Variants in FNIP1 observed in about 807,000 individuals in gnomAD.
The protein encoded by FNIP1 is folliculin-interacting protein 1.
In FNIP1, 40 loss-of-function variants were observed where a neutral mutation model predicts 124.5. That is an observed-to-expected ratio of 0.32 (90% CI 0.25 to 0.42). The LOEUF is 0.42. Ranked by LOEUF, FNIP1 falls within the 10% of genes least tolerant of loss-of-function variation. The probability of loss-of-function intolerance (pLI) is 1.00; values close to 1 mark genes in which losing one functional copy is unlikely to be tolerated. For synonymous variants in FNIP1, 472 were observed against 470.6 expected, an observed-to-expected ratio of 1.00 and a Z score of -0.04; for missense variants, 1,176 against 1,403.7, an observed-to-expected ratio of 0.84 and a Z score of 2.59.
Position 131,644,371 on chromosome 5 carries a change from G to A in FNIP1, c.*314C>T, listed in dbSNP as rs1449624073. The A allele has an allele frequency of 2.3e-5, 5 of 220,236 alleles. No homozygotes were observed. In the Admixed American group the frequency reaches 2.9e-4, roughly 13 times the overall value. The allele number at this position is 220,236 out of a possible 1,614,324, so 13.6% of individuals were successfully genotyped here. On this transcript the variant is annotated 3_prime_UTR_variant, in exon 18 of 18. Coordinates refer to ENST00000510461, the MANE Select transcript of FNIP1 (RefSeq NM_133372.3). Reference sequence around the variant, plus strand: ...ATTTATGAGCTGTGACAACACTGCAGTGATCACATGAAACTCTTGATAATA... The same window carrying A: ...ATTTATGAGCTGTGACAACACTGCAATGATCACATGAAACTCTTGATAATA...
intron 1 of FNIP1, among the ~76,000 whole-genome samples, chr5:131,759,771 A>C (rs1434400919): frequency 6.6e-6 from 1 of 152,200 alleles, no homozygotes; most frequent in Non-Finnish European, 1.5e-5. Flanking sequence ...TTGTTGTACA[A>C]AAGGATACAT....
intron 6 of FNIP1, among the ~76,000 whole-genome samples, chr5:131,712,744 A>G (rs1769337388): frequency 6.6e-6 from 1 of 152,190 alleles, no homozygotes; most frequent in South Asian, 2.1e-4. Context: ...CCACATAAAC[A>G]AAAGTTCTCT....
intron 6 of FNIP1, among the ~76,000 whole-genome samples, chr5:131,713,910 C>T (rs1446732965): frequency 6.6e-6 from 1 of 152,216 alleles, no homozygotes. Flanking sequence ...TTCTCAATCC[C>T]ACTTATCTGA....
intron 1 of FNIP1, among the ~76,000 whole-genome samples, chr5:131,782,522 G>A (rs542207163): frequency 1.3e-5 from 2 of 151,100 alleles, no homozygotes; most frequent in Admixed American, 6.6e-5. Context: ...CCAAGATTAC[G>A]CCACTGCACT....
At chr5:131,683,911 C>A (rs540160287) in intron 11 of FNIP1, among the ~76,000 whole-genome samples, 1 of 152,146 alleles carries the variant, frequency 6.6e-6, no homozygotes, top group Admixed American at 6.5e-5. Flanking sequence ...CAATACATAA[C>A]CTTGATGTGC....
intron 1 of FNIP1, among the ~76,000 whole-genome samples, chr5:131,758,094 T>C (rs998341733): frequency 1.3e-5 from 2 of 152,174 alleles, no homozygotes; most frequent in African/African-American, 4.8e-5. Context: ...AATAAACTTA[T>C]TACCTAAAAG....
At chr5:131,669,819 G>A (rs1201993698) in intron 15 of FNIP1, among the ~76,000 whole-genome samples, 1 of 151,680 alleles carries the variant, frequency 6.6e-6, no homozygotes, top group East Asian at 1.9e-4. Context: ...CATGAAAGAT[G>A]CAATGTCTTT....
At chr5:131,741,959 C>T (rs1027733898) in intron 2 of FNIP1, among the ~76,000 whole-genome samples, 2 of 152,168 alleles carry the variant, frequency 1.3e-5, no homozygotes, top group Non-Finnish European at 2.9e-5. Context: ...GGGAGGACTG[C>T]GTGATCCCAG....
rs1363717444 is a variant in FNIP1, at chr5:131,693,231, A to T, written c.1202+5686T>A. The stretch of plus-strand genomic sequence containing the variant: ...ATATCAAAACATCATTTTATACACT[A>T]TAAAGATACACAATTTTTACCTGTC... On this transcript the variant is annotated intron_variant, in intron 11 of 17. Coordinates refer to ENST00000510461, the MANE Select transcript of FNIP1 (RefSeq NM_133372.3). Among the ~76,000 whole-genome samples, 7 of 145,164 alleles carry T rather than the reference A, an allele frequency of 4.8e-5. No homozygotes were observed. In the East Asian group the frequency reaches 1.4e-3, roughly 29 times the overall value.
At chr5:131,710,548 A>G (rs749106870) in intron 7 of FNIP1, 30 bp downstream of exon 7, 11 of 1,599,726 alleles carry the variant, frequency 6.9e-6, no homozygotes, top group Non-Finnish European at 9.4e-6. Flanking sequence ...GGGCACACCA[A>G]CTAGTCTACC....
intron 12 of FNIP1, 60 bp from the exon 13 acceptor site, chr5:131,677,932 T>C: frequency 1.9e-6 from 3 of 1,551,976 alleles, no homozygotes; most frequent in Non-Finnish European, 2.6e-6. Context: ...TTAGGTAAAA[T>C]GTAGTGAAAA....
chr5:131,686,294 T>C (rs1768270417), intron 11 of FNIP1, among the ~76,000 whole-genome samples: 1 of 152,202 alleles, frequency 6.6e-6, no homozygotes, highest in Non-Finnish European at 1.5e-5. Context: ...AGTTCCATTA[T>C]AGTAGTGCAG....
intron 1 of FNIP1, among the ~76,000 whole-genome samples, chr5:131,775,963 G>A (rs557443516): frequency 6.6e-6 from 1 of 152,230 alleles, no homozygotes; most frequent in African/African-American, 2.4e-5. Flanking sequence ...TTATAGATAT[G>A]CCACATTTTT....
At chr5:131,700,371 TC>T (rs772290689) in intron 10 of FNIP1, among the ~76,000 whole-genome samples, 1 of 152,120 alleles carries the variant, frequency 6.6e-6, no homozygotes, top group African/African-American at 2.4e-5. Context: ...GATATGGAGG[TC>T]AAAAAGAACT....
chr5:131,643,151 AAAC>A lies in FNIP1; in HGVS notation c.*1531_*1533del, dbSNP rs1338926573. Reference sequence around the variant, plus strand: ...CCAATTTCAGGTTTACATTCCATTAAAACAACAATTTTTTCTTTGTCTAGTTGG... The same window carrying A: ...CCAATTTCAGGTTTACATTCCATTAAAACAATTTTTTCTTTGTCTAGTTGG... On this transcript the variant is annotated 3_prime_UTR_variant, in exon 18 of 18. Transcript: ENST00000510461. 1.3e-5 allele frequency: 2 copies of A among 152,358 alleles called. No homozygotes were observed. The highest frequency in any genetic ancestry group is 2.9e-5 in the Non-Finnish European group (2 of 68,042). The allele number at this position is 152,358 out of a possible 1,614,324, so 9.4% of individuals were successfully genotyped here.
At chr5:131,793,216 A>G (rs1180367630) in intron 1 of FNIP1, among the ~76,000 whole-genome samples, 1 of 152,064 alleles carries the variant, frequency 6.6e-6, no homozygotes, top group South Asian at 2.1e-4. Context: ...TATTTTTTGT[A>G]GAGACAGGGG....
intron 2 of FNIP1, among the ~76,000 whole-genome samples, chr5:131,733,449 G>C (rs938608821): frequency 2.0e-5 from 3 of 152,198 alleles, no homozygotes; most frequent in Admixed American, 6.5e-5. Flanking sequence ...CATTCAGTAT[G>C]ATTTTGGCTG....
chr5:131,755,727 G>A (rs1369422226), intron 1 of FNIP1, among the ~76,000 whole-genome samples: 1 of 152,006 alleles, frequency 6.6e-6, no homozygotes, highest in East Asian at 1.9e-4. Context: ...AAGGAAGATG[G>A]GCCAGGCACG....
chr5:131,786,020 T>C (rs1031312764), intron 1 of FNIP1, among the ~76,000 whole-genome samples: 1 of 152,094 alleles, frequency 6.6e-6, no homozygotes, highest in African/African-American at 2.4e-5. Context: ...TTCTGGAAAA[T>C]GAGGCCACCC....
Sources: allele counts gnomAD v4.1 joint callset (sites outside exome capture counted in the v4.1 genomes callset), GRCh38; gene constraint gnomAD v4.1.1; transcripts MANE v1.5; gene names NCBI Gene and HGNC (gene_info 2026-07-23, HGNC 2026-07-21).